Variants in PCDH17 observed in about 807,000 individuals in gnomAD.
PCDH17 encodes protocadherin-17.
In PCDH17, 21 loss-of-function variants were observed where a neutral mutation model predicts 67.7. The ratio of observed to expected loss-of-function variants is 0.31; its 90% confidence interval spans 0.22 to 0.45. The LOEUF (loss-of-function observed/expected upper bound fraction) is 0.45. Among genes scored for constraint, PCDH17 ranks in the 20% least tolerant of loss-of-function variants. The pLI, the probability that PCDH17 is intolerant of heterozygous loss-of-function variation, is 1.00. For missense variants in PCDH17, 1,471 were observed against 1,564.8 expected (o/e 0.94, Z 1.01); for synonymous variants, 701 against 656.7 (o/e 1.07, Z -1.03).
chr13:57,690,774 A>G (rs983298599), intron 3 of PCDH17, among the ~76,000 whole-genome samples: 1 of 151,588 alleles, frequency 6.6e-6, no homozygotes, highest in Non-Finnish European at 1.5e-5. Flanking sequence ...AGTATCATTT[A>G]TGTGTGATAT....
At chr13:57,646,432 TATGGGGTAC>T (rs1954968031) in intron 1 of PCDH17, among the ~76,000 whole-genome samples, 1 of 151,698 alleles carries the variant, frequency 6.6e-6, no homozygotes, top group African/African-American at 2.4e-5. Context: ...TGTGCAAATT[TATGGGGTAC>T]ATGTGAAGTT....
In PCDH17 at chr13:57,633,071, T is replaced by C; in HGVS notation, c.525T>C (p.Asp175=). 1 of 1,613,296 alleles carries C rather than the reference T, an allele frequency of 6.2e-7. No individual in the cohort carries two copies. Among genetic ancestry groups the C allele is most frequent in the Non-Finnish European group, 8.5e-7 (1 of 1,179,952 alleles). Residue 175 remains aspartate (D), a synonymous_variant, in exon 1 of 4, where the codon GAT becomes GAC. Transcript: ENST00000377918. This position sits in a 1 kb window ranked among gnomAD's most constrained non-coding sequence, Gnocchi z 6.2. ...GLRTYLLTRD[D]HGLFGLDVKS... is the part of the protein sequence containing the mutation. Reference sequence around the variant, plus strand: ...GCACCTACCTGCTCACGCGCGACGATCACGGCCTCTTTGGACTGGACGTTA... The same window carrying C: ...GCACCTACCTGCTCACGCGCGACGACCACGGCCTCTTTGGACTGGACGTTA...
chr13:57,670,469 T>C (rs1955306947), intron 3 of PCDH17, among the ~76,000 whole-genome samples: 1 of 151,398 alleles, frequency 6.6e-6, no homozygotes, highest in Non-Finnish European at 1.5e-5. Context: ...TTTCTCAGTC[T>C]TTTTCTCTTA....
chr13:57,713,544 G>A (rs1036283758), intron 3 of PCDH17, among the ~76,000 whole-genome samples: 4 of 151,514 alleles, frequency 2.6e-5, no homozygotes, highest in Admixed American at 1.3e-4. Flanking sequence ...GCAGCTTAGT[G>A]GTAGGGGTAT....
chr13:57,677,278 T>C (rs1384725361), intron 3 of PCDH17, among the ~76,000 whole-genome samples: 2 of 151,818 alleles, frequency 1.3e-5, no homozygotes, highest in African/African-American at 2.4e-5. Context: ...AAATATATAT[T>C]GAAAATATAG....
intron 1 of PCDH17, among the ~76,000 whole-genome samples, chr13:57,652,095 G>A (rs528683631): frequency 1.3e-5 from 2 of 151,696 alleles, no homozygotes; most frequent in African/African-American, 4.8e-5. Flanking sequence ...TGGCTAACAA[G>A]GTGAAACCCC....
chr13:57,691,631 T>C (rs2138062468), intron 3 of PCDH17, among the ~76,000 whole-genome samples: 1 of 151,464 alleles, frequency 6.6e-6, no homozygotes, highest in African/African-American at 2.4e-5. Context: ...ATGTAGTATG[T>C]GTACACATCA....
Position 57,632,966 on chromosome 13 carries a change from C to A in PCDH17, c.420C>A (p.Asp140Glu), listed in dbSNP as rs1954749666. 3 of 1,613,818 alleles carry A rather than the reference C, an allele frequency of 1.9e-6. No homozygotes were observed. In the East Asian group the frequency reaches 6.7e-5, roughly 36 times the overall value. ...TCTCCTCGGACCAGATCGAAATGGA[C>A]ATCTCGGAGAACGCTGCTCCGGGCA... ...PSFSSDQIEMDISENAAPGTR... is the reference protein window; with the variant it reads ...PSFSSDQIEMEISENAAPGTR... The change falls in exon 1 of 4, where the codon GAC becomes GAA. Residue 140 changes from aspartate (D) to glutamate (E), a missense_variant. By Grantham distance (45) the Asp-to-Glu change is conservative. Transcript: ENST00000377918.
chr13:57,719,486 T>C (rs144066384), intron 3 of PCDH17, among the ~76,000 whole-genome samples: 1 of 152,184 alleles, frequency 6.6e-6, no homozygotes, highest in African/African-American at 2.4e-5. Flanking sequence ...TGGATGCAGA[T>C]AGGAAACTCC....
intron 3 of PCDH17, among the ~76,000 whole-genome samples, chr13:57,712,971 T>C (rs758258021): frequency 1.5e-4 from 23 of 151,650 alleles, no homozygotes; most frequent in Non-Finnish European, 2.8e-4. Context: ...ACATCACTGT[T>C]AGACACTTTT....
rs1955909045 is a variant in PCDH17, at chr13:57,725,466, T to C, written c.*172T>C. 3 of 558,036 alleles carry C rather than the reference T, an allele frequency of 5.4e-6. No homozygotes were observed. Among genetic ancestry groups the C allele is most frequent in the Admixed American group, 3.2e-5 (1 of 30,798 alleles). The allele number at this position is 558,036 out of a possible 1,614,324, so 34.6% of individuals were successfully genotyped here. On this transcript the variant is annotated 3_prime_UTR_variant, in exon 4 of 4. Transcript: ENST00000377918. ...GTATGTTCTTTCCACTGCTGATTTC[T>C]TTTTCAGAGATAACAATGGTTTCGT...
At chr13:57,659,143 A>T (rs1955151119) in intron 1 of PCDH17, among the ~76,000 whole-genome samples, 1 of 150,668 alleles carries the variant, frequency 6.6e-6, no homozygotes, top group Non-Finnish European at 1.5e-5. Context: ...ATACACACAC[A>T]CTCACATATA....
intron 3 of PCDH17, among the ~76,000 whole-genome samples, chr13:57,690,387 C>G (rs1027856038): frequency 6.6e-6 from 1 of 151,514 alleles, no homozygotes; most frequent in African/African-American, 2.4e-5. Flanking sequence ...TCTAGAATAA[C>G]TTTTAAGAAT....
intron 1 of PCDH17, among the ~76,000 whole-genome samples, chr13:57,653,948 T>C (rs1436065773): frequency 6.6e-6 from 1 of 152,112 alleles, no homozygotes; most frequent in African/African-American, 2.4e-5. Flanking sequence ...AAAAGAAATA[T>C]GAACAGTTTT....
intron 3 of PCDH17, among the ~76,000 whole-genome samples, chr13:57,711,803 T>C (rs969249439): frequency 2.0e-5 from 3 of 151,442 alleles, no homozygotes; most frequent in African/African-American, 7.3e-5. Context: ...TTTGTTTCAA[T>C]TATCTCCCAA....
chr13:57,719,523 C>G (rs1157122506), intron 3 of PCDH17, among the ~76,000 whole-genome samples: 1 of 152,050 alleles, frequency 6.6e-6, no homozygotes, highest in Non-Finnish European at 1.5e-5. Context: ...TGTACGTTTT[C>G]AGGTGTACAA....
chr13:57,650,218 T>TTG (rs67398023), intron 1 of PCDH17, among the ~76,000 whole-genome samples: 24,912 of 137,274 alleles, frequency 0.18, 2,257 homozygotes, highest in Non-Finnish European at 0.2. Context: ...GGACCCTTGA[T>TTG]TGTGTGTGTG....
chr13:57,661,472 A>T (rs546378372), intron 1 of PCDH17, among the ~76,000 whole-genome samples: 1 of 152,158 alleles, frequency 6.6e-6, no homozygotes, highest in East Asian at 1.9e-4. Context: ...CTAATTTCAT[A>T]AACTCCAACT....
chr13:57,725,181 C>A lies in PCDH17; in HGVS notation c.3367C>A (p.His1123Asn). 1 of 1,614,090 alleles carries A rather than the reference C, an allele frequency of 6.2e-7. No homozygotes were observed. The highest frequency in any genetic ancestry group is 2.2e-5 in the East Asian group (1 of 44,870). The change falls in exon 4 of 4, where the codon CAC becomes AAC. Residue 1123 changes from histidine to asparagine, a missense_variant. Around this residue, in one of 3 missense-constraint regions of PCDH17, gnomAD observed 297 missense variants for 298.6 expected, o/e 0.99. Coordinates refer to ENST00000377918, the MANE Select transcript of PCDH17 (RefSeq NM_001040429.3). ...EMGAVLEQLD[H>N]PNRDLGRESV... ...GGGTGCTGTTCTTGAGCAGCTTGAC[C>A]ACCCCAACAGGGATCTGGGCAGAGA...
Sources: gnomAD v4.1 joint callset for allele counts (sites outside exome capture counted in the v4.1 genomes callset) on GRCh38, gnomAD v4.1.1 for gene constraint, gnomAD v4.1.1 regional missense constraint, Gnocchi (gnomAD v3.1) non-coding constraint, MANE v1.5 for transcripts, NCBI Gene and HGNC (gene_info 2026-07-23, HGNC 2026-07-21) for gene names.